The following CLEC18B variants were observed in gnomAD, a reference collection of about 807,000 sequenced individuals.
CLEC18B encodes the protein C-type lectin domain family 18 member B.
A neutral mutation model predicts 60.4 loss-of-function variants in CLEC18B; 5 were observed. The observed-to-expected ratio is 0.08, with a 90% CI of 0.04 to 0.17. The LOEUF is 0.17. CLEC18B is among the 10% of genes least tolerant of loss of function. The pLI is 1.00. For synonymous variants in CLEC18B, 16 were observed against 221.2 expected (o/e 0.07, Z 8.23); for missense variants, 26 against 572.8 (o/e 0.05, Z 9.74).
chr16:74,423,970 T>C (rs1242735316), upstream of CLEC18B, among the ~76,000 whole-genome samples: 1 of 152,200 alleles, frequency 6.6e-6, no homozygotes, highest in African/African-American at 2.4e-5. Context: ...GCCTGCTCGG[T>C]GGCTGGGGTG....
At chr16:74,409,817 G>A (rs754376996) in intron 10 of CLEC18B, 176 bp from the exon 11 acceptor site, 26 of 1,586,764 alleles carry the variant, frequency 1.6e-5, no homozygotes, top group Non-Finnish European at 2.1e-5. Flanking sequence ...CCACTTCTCA[G>A]GGAAGCCCCT....
upstream of CLEC18B, among the ~76,000 whole-genome samples, chr16:74,423,702 CAAAA>C (rs377282706): frequency 9.7e-6 from 1 of 102,920 alleles, no homozygotes; most frequent in Non-Finnish European, 2.0e-5. Flanking sequence ...CCCGACCCCT[CAAAA>C]AAAAAAAAAA....
rs62056018 is a variant in CLEC18B, at chr16:74,421,413, A to G, written c.-143T>C. Reference sequence around the variant, plus strand: ...AAGAGGGGGGCTGGTGAACAAAAGAAGGAGGCTGGTGAGTGAGTAATCAGT... The same window carrying G: ...AAGAGGGGGGCTGGTGAACAAAAGAGGGAGGCTGGTGAGTGAGTAATCAGT... On this transcript the variant is annotated 5_prime_UTR_variant, in exon 1 of 12. Coordinates refer to ENST00000682950, the MANE Select transcript of CLEC18B (RefSeq NM_001385193.1). 0.041 allele frequency: 64,074 copies of G among 1,571,074 alleles called. 1,497 individuals carry two copies. The highest frequency in any genetic ancestry group is 0.047 in the Non-Finnish European group (54,305 of 1,157,220).
intron 3 of CLEC18B, among the ~76,000 whole-genome samples, chr16:74,415,619 GA>G (rs2013382348): frequency 6.6e-6 from 1 of 151,258 alleles, no homozygotes; most frequent in Admixed American, 6.6e-5. Context: ...AAGAAAATTA[GA>G]AACAATAATA....
At chr16:74,421,968 C>T (rs1180360697), upstream of CLEC18B, 2 of 142,152 alleles carry the variant, frequency 1.4e-5, no homozygotes, top group African/African-American at 2.7e-5. Context: ...TGGGCAGGGT[C>T]GGGGGCTGGG....
intron 5 of CLEC18B, 29 bp downstream of exon 5, chr16:74,413,008 G>C: frequency 6.2e-7 from 1 of 1,612,088 alleles, no homozygotes; most frequent in Non-Finnish European, 8.5e-7. Context: ...CCACCCCAGG[G>C]TCACCAGACT....
intron 2 of CLEC18B, among the ~76,000 whole-genome samples, chr16:74,419,897 AG>A (rs1175651996): frequency 6.6e-6 from 1 of 150,688 alleles, no homozygotes; most frequent in Non-Finnish European, 1.5e-5. Flanking sequence ...CAGACAATGG[AG>A]GGCAGCGTTT....
intron 2 of CLEC18B, among the ~76,000 whole-genome samples, chr16:74,420,074 G>C (rs1382442422): frequency 2.6e-5 from 4 of 152,236 alleles, no homozygotes; most frequent in Non-Finnish European, 5.9e-5. Context: ...AGCTCAGGAG[G>C]AGGCGCTGGG....
intron 3 of CLEC18B, among the ~76,000 whole-genome samples, chr16:74,416,210 C>T (rs1214219860): frequency 6.7e-6 from 1 of 148,338 alleles, no homozygotes; most frequent in Non-Finnish European, 1.5e-5. Flanking sequence ...TTGCAGTGAG[C>T]CGAGATCGCA....
chr16:74,416,314 G>C (rs1210946424), intron 3 of CLEC18B, among the ~76,000 whole-genome samples: 1 of 151,568 alleles, frequency 6.6e-6, no homozygotes, highest in South Asian at 2.1e-4. Flanking sequence ...AGTGGGAACT[G>C]GTTTGCTGGT....
At chr16:74,410,395 C>G (rs573230595) in intron 10 of CLEC18B, 141 bp downstream of exon 10, 1 of 1,314,680 alleles carries the variant, frequency 7.6e-7, no homozygotes, top group East Asian at 2.5e-5. Context: ...CCAGCTGTGC[C>G]CACAACTCTC....
chr16:74,419,104 T>C (rs1326422083), intron 2 of CLEC18B, among the ~76,000 whole-genome samples: 2 of 152,272 alleles, frequency 1.3e-5, no homozygotes, highest in Admixed American at 6.5e-5. Flanking sequence ...CCCCTCCCTC[T>C]TCTTAAACAA....
In CLEC18B at chr16:74,418,170, C is replaced by G. The variant is rs144877334; in HGVS notation, c.345G>C (p.Ala115=). ...CCACTTCAACAAAGGACGCCAAGCCCGCGGGCAGCAGCTGCATGTTCCAGC... is the reference window on the plus strand; with the variant it reads ...CCACTTCAACAAAGGACGCCAAGCCGGCGGGCAGCAGCTGCATGTTCCAGC... ...QVGWNMQLLP[A]GLASFVEVVS... The change falls in exon 3 of 12, where the codon GCG becomes GCC. Residue 115 remains alanine (A), a synonymous_variant. Transcript: ENST00000682950. 12 of 1,582,576 alleles carry G rather than the reference C, an allele frequency of 7.6e-6. No homozygotes were observed. Among genetic ancestry groups the G allele is most frequent in the Non-Finnish European group, 1.0e-5 (12 of 1,165,652 alleles).
At chr16:74,415,170 T>TC (rs1370066731) in intron 3 of CLEC18B, among the ~76,000 whole-genome samples, 1 of 131,578 alleles carries the variant, frequency 7.6e-6, no homozygotes, top group African/African-American at 2.9e-5. Context: ...TAAAACAACA[T>TC]CATGGCCAGG....
upstream of CLEC18B, among the ~76,000 whole-genome samples, chr16:74,423,757 CT>C (rs1248169931): frequency 2.2e-4 from 32 of 145,200 alleles, no homozygotes; most frequent in African/African-American, 6.6e-4. Context: ...AGAAGAGAAG[CT>C]GAGTGGATAA....
intron 2 of CLEC18B, among the ~76,000 whole-genome samples, chr16:74,419,964 C>T (rs879003916): frequency 3.7e-4 from 56 of 152,322 alleles, no homozygotes; most frequent in African/African-American, 1.2e-3. Context: ...TGGTGGGGAA[C>T]TCTATACCCC....
intron 1 of CLEC18B, among the ~76,000 whole-genome samples, chr16:74,420,874 G>A (rs1223498275): frequency 5.1e-5 from 6 of 118,312 alleles, no homozygotes; most frequent in South Asian, 3.3e-4. Flanking sequence ...GGGCTCCTCC[G>A]GGCCACGGAT....
chr16:74,416,211 C>T (rs1428850020), intron 3 of CLEC18B, among the ~76,000 whole-genome samples: 2 of 147,614 alleles, frequency 1.4e-5, no homozygotes, highest in African/African-American at 2.4e-5. Context: ...TGCAGTGAGC[C>T]GAGATCGCAC....
At chr16:74,416,375 GTTC>G (rs770088940) in intron 3 of CLEC18B, among the ~76,000 whole-genome samples, 2,585 of 150,148 alleles carry the variant, frequency 0.017, 1 homozygote, top group East Asian at 0.05. Context: ...AGGGGCACAT[GTTC>G]TTCTTTTTAC....
Sources: allele counts gnomAD v4.1 joint callset (sites outside exome capture counted in the v4.1 genomes callset), GRCh38; gene constraint gnomAD v4.1.1; transcripts MANE v1.5; gene names NCBI Gene and HGNC (gene_info 2026-07-23, HGNC 2026-07-21).